The following SCN7A variants were observed in gnomAD, a reference collection of about 807,000 sequenced individuals.
The protein encoded by SCN7A is sodium channel protein type 7 subunit alpha.
In SCN7A, 138 loss-of-function variants were observed where a neutral mutation model predicts 155.2. That is an observed-to-expected ratio of 0.89 (90% CI 0.77 to 1.02). The LOEUF is 1.02. Ranked by LOEUF, SCN7A falls within the 50% of genes least tolerant of loss-of-function variation. The pLI, the probability that SCN7A is intolerant of heterozygous loss-of-function variation, is 0.00. For missense variants in SCN7A, 2,058 were observed against 1,986.6 expected, an observed-to-expected ratio of 1.04 and a Z score of -0.68; for synonymous variants, 693 against 649.0, an observed-to-expected ratio of 1.07 and a Z score of -1.03.
chr2:166,412,984 A>C, intron 22 of SCN7A, 84 bp downstream of exon 22: 1 of 973,470 alleles, frequency 1.0e-6, no homozygotes, highest in African/African-American at 1.7e-5. Context: ...ATTTCTATTC[A>C]TTATTACTGG....
At position 166,457,014 on chromosome 2, in the gene SCN7A, G is replaced by A; in HGVS notation, c.1146C>T (p.Ser382=). 6.2e-7 allele frequency: 1 copy of A among 1,610,024 alleles called. No individual in the cohort carries two copies. The highest frequency in any genetic ancestry group is 8.5e-7 in the Non-Finnish European group (1 of 1,178,512). ...CTAAGAACAAACTTGCCATATAAAAGGAAAACAAAAAACTTACCACCACAA... is the reference window on the plus strand; with the variant it reads ...CTAAGAACAAACTTGCCATATAAAAAGAAAACAAAAAACTTACCACCACAA... ...IFFVVVSFLF[S]FYMASLFLGI... Residue 382 remains serine (S), a synonymous_variant, in exon 11 of 26, where the codon TCC becomes TCT. Coordinates refer to ENST00000643258, the MANE Select transcript of SCN7A (RefSeq NM_002976.4).
chr2:166,492,993 C>T lies in SCN7A; in HGVS notation c.-128+975G>A, dbSNP rs184430560. The stretch of plus-strand genomic sequence containing the variant: ...GACTTCCCGCTCAATTACTGATTTG[C>T]CAGGTAGCCTCAGCAAATTACTCCT... On this transcript the variant is annotated intron_variant, in intron 1 of 25. Transcript: ENST00000643258. Among the ~76,000 whole-genome samples the T allele has an allele frequency of 4.7e-3, 723 of 152,274 alleles. 4 individuals are homozygous for T. The highest frequency in any genetic ancestry group is 7.1e-3 in the Non-Finnish European group (485 of 68,020).
At chr2:166,414,265 C>CTATATATGT (rs1559088669) in intron 21 of SCN7A, among the ~76,000 whole-genome samples, 36 of 22,642 alleles carry the variant, frequency 1.6e-3, no homozygotes, top group African/African-American at 4.2e-3. Context: ...GATATATATA[C>CTATATATGT]ACACACATAT....
chr2:166,480,847 C>T (rs1702909801), intron 2 of SCN7A, among the ~76,000 whole-genome samples: 6 of 152,174 alleles, frequency 3.9e-5, no homozygotes, highest in Admixed American at 2.0e-4. Flanking sequence ...TTTCTTTTTA[C>T]GTGAACCAAT....
chr2:166,461,290 C>T (rs1702403197), intron 10 of SCN7A, among the ~76,000 whole-genome samples: 1 of 151,966 alleles, frequency 6.6e-6, no homozygotes, highest in Non-Finnish European at 1.5e-5. Context: ...AGAATGTTCT[C>T]CTTCAACTAT....
chr2:166,465,421 A>G (rs13417885), intron 9 of SCN7A, 41 bp downstream of exon 9: 103,863 of 1,304,872 alleles, frequency 0.08, 5,384 homozygotes, highest in African/African-American at 0.19. Flanking sequence ...TACTATTGAC[A>G]GGTGATAATG....
rs565923125 is a variant in SCN7A at position 166,421,016 on chromosome 2, G to A, written c.3135+174C>T. On this transcript the variant is annotated intron_variant, in intron 20 of 25. Transcript: ENST00000643258. Reference sequence around the variant, plus strand: ...ATACTTTATGAGGAATAAGAACCTAGAATCTTAATAAACATACCTATTCCT... The same window carrying A: ...ATACTTTATGAGGAATAAGAACCTAAAATCTTAATAAACATACCTATTCCT... Among the ~76,000 whole-genome samples, 15 of 151,976 alleles carry A rather than the reference G, an allele frequency of 9.9e-5. No homozygotes were observed. In the East Asian group the frequency reaches 2.5e-3, roughly 25 times the overall value.
chr2:166,439,890 A>G (rs1701920913), intron 15 of SCN7A, among the ~76,000 whole-genome samples: 1 of 152,174 alleles, frequency 6.6e-6, no homozygotes, highest in African/African-American at 2.4e-5. Flanking sequence ...GTGAAACACA[A>G]GCAATGTGGA....
intron 18 of SCN7A, 105 bp downstream of exon 18, chr2:166,427,682 AC>A: frequency 9.9e-7 from 1 of 1,013,414 alleles, no homozygotes; most frequent in African/African-American, 1.6e-5. Flanking sequence ...TTGGTGCTAT[AC>A]TAAATATCCT....
At chr2:166,488,843 G>A (rs1176772234) in intron 1 of SCN7A, among the ~76,000 whole-genome samples, 1 of 151,906 alleles carries the variant, frequency 6.6e-6, no homozygotes, top group Non-Finnish European at 1.5e-5. Context: ...TCACCATGTT[G>A]GCCAGGCTGG....
intron 25 of SCN7A, among the ~76,000 whole-genome samples, chr2:166,408,954 C>A (rs1701136100): frequency 1.3e-5 from 2 of 151,874 alleles, no homozygotes; most frequent in Non-Finnish European, 2.9e-5. Flanking sequence ...ATAAAGTTTT[C>A]TCTGACCTCT....
At chr2:166,417,081 T>A in intron 20 of SCN7A, 96 bp from the exon 21 acceptor site, 1 of 973,170 alleles carries the variant, frequency 1.0e-6, no homozygotes, top group Non-Finnish European at 1.5e-6. Flanking sequence ...GAATAACATA[T>A]TTAAAAAAAA....
At chr2:166,407,007 T>A (rs1258534804) in intron 25 of SCN7A, among the ~76,000 whole-genome samples, 1 of 152,072 alleles carries the variant, frequency 6.6e-6, no homozygotes, top group Non-Finnish European at 1.5e-5. Context: ...TTCCATGCAA[T>A]CTTTATTGAA....
Position 166,432,670 on chromosome 2 carries a change from T to A in SCN7A, c.2240A>T (p.Asn747Ile). Reference sequence around the variant, plus strand: ...AATTCTTGCCACTGCAAGCTGGAGATTTTTTGCTTCATTATTCTCTTCAGC... The same window carrying A: ...AATTCTTGCCACTGCAAGCTGGAGAATTTTTGCTTCATTATTCTCTTCAGC... ...VTAEENNEAKNLQLAVARIKK... is the reference protein window; with the variant it reads ...VTAEENNEAKILQLAVARIKK... Residue 747 changes from asparagine (N) to isoleucine (I), a missense_variant, in exon 16 of 26, where the codon AAT becomes ATT. Physicochemically the swap from Asn to Ile is moderately radical, Grantham distance 149. Transcript: ENST00000643258. The A allele has an allele frequency of 6.2e-7, 1 of 1,606,828 alleles. No homozygotes were observed. Among genetic ancestry groups the A allele is most frequent in the Non-Finnish European group, 8.5e-7 (1 of 1,177,802 alleles).
At chr2:166,450,859 A>G (rs1015519229) in intron 11 of SCN7A, among the ~76,000 whole-genome samples, 5 of 152,182 alleles carry the variant, frequency 3.3e-5, no homozygotes, top group Non-Finnish European at 5.9e-5. Context: ...TCTAGAAACT[A>G]TTCTTAGCTG....
chr2:166,414,098 ATATAT>A (rs1701276243), intron 21 of SCN7A, among the ~76,000 whole-genome samples: 4 of 68,230 alleles, frequency 5.9e-5, no homozygotes, highest in Non-Finnish European at 7.8e-5. Context: ...AATATATATA[ATATAT>A]TATATATAAA....
At chr2:166,474,021 T>G in intron 4 of SCN7A, 133 bp from the exon 5 acceptor site, 1 of 532,752 alleles carries the variant, frequency 1.9e-6, no homozygotes, top group East Asian at 3.2e-5. Context: ...TGTTAATATT[T>G]ACTATTGTTG....
At chr2:166,433,014 T>G (rs1283308252) in intron 15 of SCN7A, among the ~76,000 whole-genome samples, 1 of 152,088 alleles carries the variant, frequency 6.6e-6, no homozygotes, top group Non-Finnish European at 1.5e-5. Flanking sequence ...CACCCCAGCT[T>G]CTGGTAACCA....
rs774533382 is a variant in SCN7A, at chr2:166,406,325, C to T, written c.4304G>A (p.Gly1435Asp). The change falls in exon 26 of 26, where the codon GGT becomes GAT. Residue 1435 changes from glycine (G) to aspartate (D), a missense_variant. Transcript: ENST00000643258. The stretch of plus-strand genomic sequence containing the variant: ...AATTGCATCAAGCATCCCATCCCAA[C>T]CAGCAAATATTGCAACTTGAAAAAG... ...LCLFQVAIFAGWDGMLDAIFN... is the reference protein window; with the variant it reads ...LCLFQVAIFADWDGMLDAIFN... 26 of 1,613,022 alleles carry T rather than the reference C, an allele frequency of 1.6e-5. No individual in the cohort carries two copies. The African/African-American group carries it at 3.1e-4, about 19-fold the overall frequency.
Sources: allele counts gnomAD v4.1 joint callset (sites outside exome capture counted in the v4.1 genomes callset), GRCh38; gene constraint gnomAD v4.1.1; transcripts MANE v1.5; gene names NCBI Gene and HGNC (gene_info 2026-07-23, HGNC 2026-07-21).